The following PRIM2 variants were observed in gnomAD, a reference collection of about 807,000 sequenced individuals.
PRIM2 encodes DNA primase subunit 2.
Under a neutral mutation model 67.3 loss-of-function variants are expected in PRIM2, and 39 were observed. The ratio of observed to expected loss-of-function variants is 0.58; its 90% confidence interval spans 0.45 to 0.76. PRIM2 has a LOEUF of 0.76. Among genes scored for constraint, PRIM2 ranks in the 30% least tolerant of loss-of-function variants. The probability of loss-of-function intolerance (pLI) is 0.00; values close to 1 mark genes in which losing one functional copy is unlikely to be tolerated. For synonymous variants in PRIM2, 143 were observed against 198.7 expected (o/e 0.72, Z 2.36); for missense variants, 398 against 598.7 (o/e 0.66, Z 3.50).
At chr6:57,265,710 T>C in the PRIM2 span, among the ~76,000 whole-genome samples, 1 of 152,218 alleles carries the variant, frequency 6.6e-6, no homozygotes, top group Non-Finnish European at 1.5e-5. Context: ...TAAAGAATTC[T>C]GTGCCTGACA....
At chr6:57,333,510 G>A (rs1391039389) in intron 5 of PRIM2, among the ~76,000 whole-genome samples, 1 of 151,972 alleles carries the variant, frequency 6.6e-6, no homozygotes, top group Non-Finnish European at 1.5e-5. Flanking sequence ...TTTTTGGGTT[G>A]GGAACTTGGT....
chr6:57,483,798 G>A (rs1201132037), intron 7 of PRIM2, among the ~76,000 whole-genome samples: 1 of 152,062 alleles, frequency 6.6e-6, no homozygotes, highest in African/African-American at 2.4e-5. Context: ...ACTAAGACCT[G>A]GTATTTCAAA....
chr6:57,439,051 A>T (rs2127383796), intron 7 of PRIM2, among the ~76,000 whole-genome samples: 1 of 152,244 alleles, frequency 6.6e-6, no homozygotes, highest in African/African-American at 2.4e-5. Context: ...CTTAGGATAG[A>T]AATCACTTAG....
chr6:57,573,326 G>A (rs1223309903), intron 10 of PRIM2, among the ~76,000 whole-genome samples: 3 of 152,138 alleles, frequency 2.0e-5, no homozygotes, highest in African/African-American at 7.2e-5. Context: ...AAGAAAGTTC[G>A]TCTACATGTG....
chr6:57,524,706 T>TAAAAAAAAAAAA lies in PRIM2; in HGVS notation c.762-7694_762-7693insAAAAAAAAAAAA, dbSNP rs1379539540. ...ACAAGAGCAAAACTCCGTCTCAAAT[T>TAAAAAAAAAAAA]AAAAAAAAAAAGGATGCTTTTATAT... On this transcript the variant is annotated intron_variant, in intron 8 of 13. Transcript: ENST00000615550. Among the ~76,000 whole-genome samples, 20 of 144,530 alleles carry TAAAAAAAAAAAA rather than the reference T, an allele frequency of 1.4e-4. No homozygotes were observed. In the East Asian group the frequency reaches 2.4e-3, roughly 18 times the overall value. 94.8% of individuals were successfully genotyped at this position (144,530 alleles called of 152,430 possible).
At chr6:57,427,443 C>G (rs541178325) in intron 7 of PRIM2, among the ~76,000 whole-genome samples, 121 of 152,240 alleles carry the variant, frequency 7.9e-4, no homozygotes, top group African/African-American at 2.6e-3. Context: ...CTCAGCCTCC[C>G]TAGTAGCTGG....
At chr6:57,319,838 T>G (rs1234165721) in intron 2 of PRIM2, among the ~76,000 whole-genome samples, 1 of 152,198 alleles carries the variant, frequency 6.6e-6, no homozygotes, top group Non-Finnish European at 1.5e-5. Context: ...CCCATACCTG[T>G]GGGACATGGG....
At chr6:57,462,068 T>G (rs1773025728) in intron 7 of PRIM2, among the ~76,000 whole-genome samples, 1 of 152,198 alleles carries the variant, frequency 6.6e-6, no homozygotes, top group Non-Finnish European at 1.5e-5. Context: ...GTCCAGTGCA[T>G]GTTGGTTGTC....
At chr6:57,519,722 TTAAAG>T (rs1276987446) in intron 8 of PRIM2, among the ~76,000 whole-genome samples, 4 of 152,184 alleles carry the variant, frequency 2.6e-5, no homozygotes, top group African/African-American at 4.8e-5. Flanking sequence ...GATTAAGAGA[TTAAAG>T]TAAAGACAGG....
intron 8 of PRIM2, among the ~76,000 whole-genome samples, chr6:57,511,984 G>C (rs1360076196): frequency 6.6e-6 from 1 of 152,184 alleles, no homozygotes; most frequent in Non-Finnish European, 1.5e-5. Context: ...AGAGTATAGA[G>C]AGACAAGAAA....
chr6:57,460,045 A>T (rs1772948310), intron 7 of PRIM2, among the ~76,000 whole-genome samples: 1 of 152,158 alleles, frequency 6.6e-6, no homozygotes, highest in African/African-American at 2.4e-5. Context: ...AGGTTGTGGC[A>T]GCCTTGTTCT....
chr6:57,602,024 G>C (rs1197207863), intron 11 of PRIM2, among the ~76,000 whole-genome samples: 1 of 151,188 alleles, frequency 6.6e-6, no homozygotes, highest in Admixed American at 6.6e-5. Flanking sequence ...TCGTCATATA[G>C]ATAGACAGAT....
At chr6:57,408,838 G>T (rs550372850) in intron 7 of PRIM2, among the ~76,000 whole-genome samples, 125 of 151,872 alleles carry the variant, frequency 8.2e-4, no homozygotes, top group Non-Finnish European at 1.4e-3. Flanking sequence ...AACCTCCCAA[G>T]TAGCTAGGAT....
intron 7 of PRIM2, among the ~76,000 whole-genome samples, chr6:57,481,668 G>A (rs1196557593): frequency 6.6e-6 from 1 of 151,712 alleles, no homozygotes; most frequent in Non-Finnish European, 1.5e-5. Flanking sequence ...CATTTTTAAA[G>A]AAACTGCCAA....
At position 57,325,887 on chromosome 6, in the gene PRIM2, T is replaced by G. The variant is rs1452260772; in HGVS notation, c.339-38T>G. The stretch of plus-strand genomic sequence containing the variant: ...TTTCTTAGATTTAATAATTACTGGA[T>G]TTTTAGTTTGTACTCATAATTTCTG... On this transcript the variant is annotated intron_variant, in intron 4 of 13. Coordinates refer to ENST00000615550, the MANE Select transcript of PRIM2 (RefSeq NM_000947.5). 2.0e-6 allele frequency: 3 copies of G among 1,528,240 alleles called. No individual in the cohort carries two copies. The East Asian group carries it at 7.2e-5, about 37-fold the overall frequency. 94.7% of individuals were successfully genotyped at this position (1,528,240 alleles called of 1,614,324 possible). A position where few individuals can be genotyped will look rare whatever the true frequency, so the allele number is the denominator to read the frequency against.
chr6:57,299,247 A>G, the PRIM2 span, among the ~76,000 whole-genome samples: 7 of 152,132 alleles, frequency 4.6e-5, no homozygotes, highest in African/African-American at 1.7e-4. Flanking sequence ...GATTTTATGA[A>G]ACTAAAAAGT....
chr6:57,602,249 C>T (rs1328005473), intron 11 of PRIM2, among the ~76,000 whole-genome samples: 3 of 152,144 alleles, frequency 2.0e-5, no homozygotes, highest in East Asian at 3.9e-4. Context: ...TTAATAGAGA[C>T]GAGGTTTCGC....
upstream of PRIM2, among the ~76,000 whole-genome samples, chr6:57,311,568 C>T (rs186325964): frequency 5.4e-4 from 82 of 152,168 alleles, 2 homozygotes; most frequent in East Asian, 0.015. Flanking sequence ...CAGAGGGGCT[C>T]CTTACATCCC....
the PRIM2 span, among the ~76,000 whole-genome samples, chr6:57,244,004 C>T: frequency 3.9e-5 from 6 of 152,166 alleles, no homozygotes; most frequent in Admixed American, 6.5e-5. Context: ...ACTATGCAGC[C>T]ATAGCTGGAC....
Sources: allele counts gnomAD v4.1 joint callset (sites outside exome capture counted in the v4.1 genomes callset), GRCh38; gene constraint gnomAD v4.1.1; transcripts MANE v1.5; gene names NCBI Gene and HGNC (gene_info 2026-07-23, HGNC 2026-07-21).